PTPRN2: variants seen among roughly 807,000 people sequenced by gnomAD.
The protein encoded by PTPRN2 is receptor-type tyrosine-protein phosphatase N2.
A neutral mutation model predicts 118.8 loss-of-function variants in PTPRN2; 74 were observed. That is an observed-to-expected ratio of 0.62 (90% confidence interval 0.52 to 0.76). The LOEUF is 0.76. Among genes scored for constraint, PTPRN2 ranks in the 30% least tolerant of loss-of-function variants. The pLI is 0.00. For synonymous variants in PTPRN2, 641 were observed against 608.0 expected (o/e 1.05, Z -0.80); for missense variants, 1,481 against 1,394.4 (o/e 1.06, Z -0.99).
At chr7:158,332,786 G>A (rs1430484169) in intron 2 of PTPRN2, among the ~76,000 whole-genome samples, 38 of 149,508 alleles carry the variant, frequency 2.5e-4, no homozygotes, top group South Asian at 6.3e-4. Context: ...CTCACCATAA[G>A]AGCTGATGCC....
chr7:157,838,488 T>G (rs368034054), intron 12 of PTPRN2, among the ~76,000 whole-genome samples: 249 of 65,444 alleles, frequency 3.8e-3, no homozygotes, highest in South Asian at 0.022. Flanking sequence ...AGAAAGCTCC[T>G]CTCCACCGTG....
chr7:158,009,714 C>T (rs1485263256), intron 11 of PTPRN2, among the ~76,000 whole-genome samples: 3 of 152,174 alleles, frequency 2.0e-5, no homozygotes, highest in African/African-American at 7.2e-5. Flanking sequence ...TGCCTGGGCA[C>T]AGCTCTTTCT....
chr7:158,277,150 C>A (rs1311235740), intron 3 of PTPRN2, among the ~76,000 whole-genome samples: 1 of 151,298 alleles, frequency 6.6e-6, no homozygotes, highest in Non-Finnish European at 1.5e-5. Context: ...CACACGCGCA[C>A]ATACACGTGC....
At chr7:157,723,430 C>T (rs1251087577) in intron 12 of PTPRN2, among the ~76,000 whole-genome samples, 4 of 152,212 alleles carry the variant, frequency 2.6e-5, no homozygotes, top group African/African-American at 4.8e-5. Context: ...GCTTCTACTC[C>T]AGTCCCAAAC....
Position 158,574,697 on chromosome 7 carries a change from TA to T in PTPRN2, c.112+12860del. On this transcript the variant is annotated intron_variant, in intron 1 of 22. Coordinates refer to ENST00000389418, the MANE Select transcript of PTPRN2 (RefSeq NM_002847.5). This position sits in a 1 kb window ranked among gnomAD's most constrained non-coding sequence, Gnocchi z 4.6. ...GGGGCCAATACTTCTTTCTTTCTTTTAAAGTTTGTTCTGCCATAATTTAGGC... is the reference window on the plus strand; with the variant it reads ...GGGGCCAATACTTCTTTCTTTCTTTTAAGTTTGTTCTGCCATAATTTAGGC... 6.6e-6 allele frequency among the ~76,000 whole-genome samples: 1 copy of T among 152,236 alleles called. No homozygotes were observed. The highest frequency in any genetic ancestry group is 1.5e-5 in the Non-Finnish European group (1 of 68,050).
intron 3 of PTPRN2, among the ~76,000 whole-genome samples, chr7:158,284,821 G>T (rs1479831834): frequency 6.6e-6 from 1 of 152,234 alleles, no homozygotes; most frequent in Non-Finnish European, 1.5e-5. Context: ...TACTACATAT[G>T]TGTATCTACC....
Position 157,604,052 on chromosome 7 carries a change from T to C in PTPRN2, c.2368A>G (p.Lys790Glu), listed in dbSNP as rs747496937. 5 of 1,613,682 alleles carry C rather than the reference T, an allele frequency of 3.1e-6. No homozygotes were observed. The Admixed American group carries it at 5.0e-5, about 16-fold the overall frequency. ...GAGTGGCTGTGGCTGTTCTCCGCCTTCAGCAGGACCCGGGAGTGGTCATCT... is the reference window on the plus strand; with the variant it reads ...GAGTGGCTGTGGCTGTTCTCCGCCTCCAGCAGGACCCGGGAGTGGTCATCT... ...LTYDHSRVLL[K>E]AENSHSHSDY... Residue 790 changes from lysine (K) to glutamate (E), a missense_variant, in exon 16 of 23, where the codon AAG becomes GAG. Around this residue, in one of 3 missense-constraint regions of PTPRN2, gnomAD observed 362 missense variants for 384.1 expected, o/e 0.94. Transcript: ENST00000389418.
chr7:157,980,606 C>T (rs1585128691), intron 11 of PTPRN2, among the ~76,000 whole-genome samples: 1 of 152,118 alleles, frequency 6.6e-6, no homozygotes, highest in East Asian at 1.9e-4. Flanking sequence ...TAAAAATTAG[C>T]TGGGCATGGT....
intron 15 of PTPRN2, among the ~76,000 whole-genome samples, chr7:157,607,940 A>G (rs1802101220): frequency 6.6e-6 from 1 of 152,150 alleles, no homozygotes; most frequent in East Asian, 1.9e-4. Context: ...AGCCGAATTC[A>G]TTTCCCCCGA....
chr7:158,232,229 A>G (rs1166114255), intron 3 of PTPRN2, among the ~76,000 whole-genome samples: 1 of 152,126 alleles, frequency 6.6e-6, no homozygotes, highest in Non-Finnish European at 1.5e-5. Context: ...AGAAAAAAGG[A>G]AAGAAGATCC....
In PTPRN2 at chr7:158,336,660, A is replaced by T. The variant is rs1483700800; in HGVS notation, c.164-19728T>A. Among the ~76,000 whole-genome samples the T allele has an allele frequency of 2.4e-3, 341 of 144,318 alleles. 2 individuals are homozygous for T. Among genetic ancestry groups the T allele is most frequent in the African/African-American group, 8.7e-3 (315 of 36,246 alleles). 94.7% of individuals were successfully genotyped at this position (144,318 alleles called of 152,430 possible). ...TCACTCACACCCACACGTCACTCACACCCACACTCTCACCATAAGAGCTGA... is the reference window on the plus strand; with the variant it reads ...TCACTCACACCCACACGTCACTCACTCCCACACTCTCACCATAAGAGCTGA... On this transcript the variant is annotated intron_variant, in intron 2 of 22. Transcript: ENST00000389418.
At chr7:157,928,722 G>T (rs1290640661) in intron 11 of PTPRN2, among the ~76,000 whole-genome samples, 2 of 150,822 alleles carry the variant, frequency 1.3e-5, no homozygotes, top group Non-Finnish European at 2.9e-5. Flanking sequence ...GGGTGGGGAG[G>T]GGGGCAGAGG....
At chr7:157,891,780 G>A (rs561751730) in intron 12 of PTPRN2, among the ~76,000 whole-genome samples, 1 of 152,282 alleles carries the variant, frequency 6.6e-6, no homozygotes, top group African/African-American at 2.4e-5. Context: ...AGCGTGAGCT[G>A]AGCAGGGATT....
intron 15 of PTPRN2, among the ~76,000 whole-genome samples, chr7:157,605,756 G>A (rs950884728): frequency 6.6e-6 from 1 of 152,198 alleles, no homozygotes; most frequent in African/African-American, 2.4e-5. Context: ...CCCCATGTCT[G>A]CCCAGCTCTG....
chr7:158,351,614 A>T (rs1387969721), intron 2 of PTPRN2, among the ~76,000 whole-genome samples: 2 of 152,148 alleles, frequency 1.3e-5, no homozygotes, highest in African/African-American at 2.4e-5. Flanking sequence ...GAATGACCTT[A>T]TTAACGCCTC....
chr7:157,728,317 C>A (rs1022935292), intron 12 of PTPRN2, among the ~76,000 whole-genome samples: 1 of 152,244 alleles, frequency 6.6e-6, no homozygotes, highest in Admixed American at 6.5e-5. Flanking sequence ...GCACCCCAAG[C>A]CTCTCCGTCT....
At chr7:158,341,355 GTA>G (rs1806733276) in intron 2 of PTPRN2, among the ~76,000 whole-genome samples, 2 of 126,394 alleles carry the variant, frequency 1.6e-5, no homozygotes, top group African/African-American at 6.9e-5. Context: ...ACCATAAGAG[GTA>G]ACACATGCAG....
At chr7:157,561,936 C>T (rs1681719259) in intron 21 of PTPRN2, among the ~76,000 whole-genome samples, 1 of 152,250 alleles carries the variant, frequency 6.6e-6, no homozygotes, top group African/African-American at 2.4e-5. Flanking sequence ...GCTGCCCTGC[C>T]ATCAGCTGGA....
At chr7:157,822,329 T>TCATC (rs975005171) in intron 12 of PTPRN2, among the ~76,000 whole-genome samples, 1 of 151,156 alleles carries the variant, frequency 6.6e-6, no homozygotes, top group Non-Finnish European at 1.5e-5. Context: ...ATCCTCCCAC[T>TCATC]CATCCATCCA....
Sources: allele counts gnomAD v4.1 joint callset (sites outside exome capture counted in the v4.1 genomes callset), GRCh38; gene constraint gnomAD v4.1.1; regional missense constraint gnomAD v4.1.1; non-coding constraint Gnocchi (gnomAD v3.1); transcripts MANE v1.5; gene names NCBI Gene and HGNC (gene_info 2026-07-23, HGNC 2026-07-21).